Variants in CSMD3 observed in about 807,000 individuals in gnomAD.
CSMD3 encodes the protein CUB and sushi domain-containing protein 3.
CSMD3 carries 177 observed loss-of-function variants against 435.2 expected under a neutral mutation model. The ratio of observed to expected loss-of-function variants is 0.41; its 90% CI spans 0.36 to 0.46. The LOEUF (loss-of-function observed/expected upper bound fraction) is 0.46, where lower values mean the gene tolerates loss of function less well. CSMD3 is among the 20% of genes least tolerant of loss of function. CSMD3 has a pLI of 0.34. For synonymous variants in CSMD3, 1,656 were observed against 1,520.5 expected, an observed-to-expected ratio of 1.09 and a Z score of -2.07; for missense variants, 4,265 against 4,504.6, an observed-to-expected ratio of 0.95 and a Z score of 1.52.
At chr8:113,108,835 C>T (rs886865012) in intron 4 of CSMD3, among the ~76,000 whole-genome samples, 8 of 152,124 alleles carry the variant, frequency 5.3e-5, no homozygotes, top group African/African-American at 1.9e-4. Flanking sequence ...TACAAAAGAC[C>T]TATGTAAACA....
intron 7 of CSMD3, among the ~76,000 whole-genome samples, chr8:112,973,408 A>G (rs1354524161): frequency 1.3e-5 from 2 of 151,980 alleles, no homozygotes; most frequent in African/African-American, 2.4e-5. Context: ...CATTTTACAA[A>G]ATCTATCTTG....
At chr8:113,203,142 G>A (rs185901746) in intron 3 of CSMD3, among the ~76,000 whole-genome samples, 47 of 151,886 alleles carry the variant, frequency 3.1e-4, no homozygotes, top group Admixed American at 9.8e-4. Context: ...CTCATCCCCC[G>A]AAAATGATAA....
chr8:112,359,396 T>C (rs1472166010), intron 38 of CSMD3, among the ~76,000 whole-genome samples: 4 of 152,172 alleles, frequency 2.6e-5, no homozygotes, highest in Admixed American at 1.3e-4. Flanking sequence ...AATTGTTCAA[T>C]ATTTATCTCC....
chr8:113,279,453 A>G (rs1480624397), intron 2 of CSMD3, among the ~76,000 whole-genome samples: 2 of 151,662 alleles, frequency 1.3e-5, no homozygotes, highest in Admixed American at 1.3e-4. Flanking sequence ...TCAAATTGGT[A>G]TTCACTCAGT....
intron 10 of CSMD3, among the ~76,000 whole-genome samples, chr8:112,909,272 A>G (rs2130516798): frequency 6.6e-6 from 1 of 151,764 alleles, no homozygotes; most frequent in Middle Eastern, 3.4e-3. Flanking sequence ...CAGATGAGAA[A>G]CACAAGAAGT....
At chr8:113,340,195 T>G (rs982531136) in intron 1 of CSMD3, among the ~76,000 whole-genome samples, 1 of 152,192 alleles carries the variant, frequency 6.6e-6, no homozygotes, top group South Asian at 2.1e-4. Flanking sequence ...CTTGTAAGTT[T>G]TGTATTCTCT....
chr8:113,421,959 T>C (rs764818926), intron 1 of CSMD3, among the ~76,000 whole-genome samples: 24 of 152,158 alleles, frequency 1.6e-4, no homozygotes, highest in Admixed American at 3.9e-4. Context: ...GACAACTTTA[T>C]TTTACAGCAA....
chr8:112,645,153 T>C lies in CSMD3; in HGVS notation c.3266A>G (p.Asn1089Ser), dbSNP rs1318220371. Residue 1089 changes from asparagine (N) to serine (S), a missense_variant, in exon 20 of 71, where the codon AAT becomes AGT. Asn to Ser is a conservative substitution (Grantham distance 46). Coordinates refer to ENST00000297405, the MANE Select transcript of CSMD3 (RefSeq NM_198123.2). ...AACAGTCCATGTACAATTCAGAGAA[T>C]TTGGATAAAATTCCGGGTAACCAGG... is the stretch of plus-strand genomic sequence containing the variant. Reference protein sequence around the residue: ...LSPGYPEFYPNSLNCTWTVDV... With the variant: ...LSPGYPEFYPSSLNCTWTVDV... 3.1e-6 allele frequency: 5 copies of C among 1,607,958 alleles called. No homozygotes were observed. Among genetic ancestry groups the C allele is most frequent in the Middle Eastern group, 3.3e-4 (2 of 6,076 alleles).
intron 7 of CSMD3, among the ~76,000 whole-genome samples, chr8:112,974,740 T>C (rs1325162665): frequency 6.6e-6 from 1 of 151,818 alleles, no homozygotes; most frequent in Non-Finnish European, 1.5e-5. Flanking sequence ...CAAATTCGAA[T>C]GGAAACAAAC....
At chr8:112,828,081 G>A (rs1215336517) in intron 12 of CSMD3, among the ~76,000 whole-genome samples, 1 of 152,064 alleles carries the variant, frequency 6.6e-6, no homozygotes, top group African/African-American at 2.4e-5. Flanking sequence ...TAAAATATAT[G>A]CAATTTTATA....
intron 5 of CSMD3, among the ~76,000 whole-genome samples, chr8:113,069,395 T>A (rs940782559): frequency 6.6e-6 from 1 of 152,124 alleles, no homozygotes; most frequent in African/African-American, 2.4e-5. Flanking sequence ...TGATTAGTGT[T>A]ATAGTTATAT....
chr8:112,624,731 C>T (rs540301408), intron 22 of CSMD3, among the ~76,000 whole-genome samples: 1 of 152,084 alleles, frequency 6.6e-6, no homozygotes, highest in Admixed American at 6.6e-5. Context: ...ATGCTGAACA[C>T]TCAATAGTGT....
At chr8:113,282,327 C>T (rs1273112962) in intron 2 of CSMD3, among the ~76,000 whole-genome samples, 1 of 151,912 alleles carries the variant, frequency 6.6e-6, no homozygotes, top group African/African-American at 2.4e-5. Context: ...CTTGAAAACC[C>T]TAAGGACTCC....
intron 30 of CSMD3, among the ~76,000 whole-genome samples, chr8:112,494,726 A>T (rs1437316143): frequency 6.6e-6 from 1 of 152,104 alleles, no homozygotes; most frequent in Non-Finnish European, 1.5e-5. Context: ...CGATTTTGGC[A>T]TGCTGTATAA....
intron 17 of CSMD3, among the ~76,000 whole-genome samples, chr8:112,662,121 C>T (rs561988371): frequency 1.1e-4 from 17 of 152,082 alleles, no homozygotes; most frequent in Non-Finnish European, 2.4e-4. Context: ...GATTCAATGC[C>T]ATCCCCATCA....
chr8:112,698,776 T>C (rs1436000471), intron 13 of CSMD3, among the ~76,000 whole-genome samples: 5 of 152,102 alleles, frequency 3.3e-5, no homozygotes, highest in Admixed American at 6.5e-5. Flanking sequence ...ATTTTCTCCA[T>C]AAAGAGGTGA....
At chr8:112,348,663 G>A (rs1293488722) in intron 40 of CSMD3, among the ~76,000 whole-genome samples, 2 of 152,066 alleles carry the variant, frequency 1.3e-5, no homozygotes, top group Non-Finnish European at 2.9e-5. Context: ...CTGGTATACC[G>A]AGGCAGGCAG....
chr8:113,141,302 AG>A (rs1418300187), intron 4 of CSMD3, among the ~76,000 whole-genome samples: 1 of 150,868 alleles, frequency 6.6e-6, no homozygotes, highest in Non-Finnish European at 1.5e-5. Flanking sequence ...ACAGAACAGG[AG>A]AGATTTCATG....
At chr8:112,329,614 G>A (rs1823848137) in intron 45 of CSMD3, among the ~76,000 whole-genome samples, 1 of 151,974 alleles carries the variant, frequency 6.6e-6, no homozygotes, top group African/African-American at 2.4e-5. Flanking sequence ...ATCATATGTT[G>A]TCTCACTCAT....
Sources: allele counts gnomAD v4.1 joint callset (sites outside exome capture counted in the v4.1 genomes callset), GRCh38; gene constraint gnomAD v4.1.1; transcripts MANE v1.5; gene names NCBI Gene and HGNC (gene_info 2026-07-23, HGNC 2026-07-21).